Variants in M1AP observed in about 807,000 individuals in gnomAD.
M1AP encodes the protein meiosis 1 arrest protein.
Under a neutral mutation model 51.2 loss-of-function variants are expected in M1AP, and 39 were observed. The observed-to-expected ratio is 0.76, with a 90% CI of 0.59 to 1.00. The LOEUF (loss-of-function observed/expected upper bound fraction) is 1.00, where lower values mean the gene tolerates loss of function less well. Ranked by LOEUF, M1AP falls within the 50% of genes least tolerant of loss-of-function variation. M1AP has a pLI of 0.00. For missense variants in M1AP, 545 were observed against 641.2 expected, an observed-to-expected ratio of 0.85 and a Z score of 1.62; for synonymous variants, 251 against 249.2, an observed-to-expected ratio of 1.01 and a Z score of -0.07.
intron 4 of M1AP, among the ~76,000 whole-genome samples, chr2:74,598,714 G>T (rs1573119827): frequency 6.9e-6 from 1 of 145,814 alleles, no homozygotes; most frequent in Admixed American, 7.1e-5. Flanking sequence ...GGCCTTGACC[G>T]CCCGGGCTCA....
intron 2 of M1AP, among the ~76,000 whole-genome samples, chr2:74,632,620 C>T (rs550358012): frequency 6.6e-6 from 1 of 152,296 alleles, no homozygotes; most frequent in Admixed American, 6.5e-5. Flanking sequence ...TTATCTTCAA[C>T]CAGTGCACAG....
At chr2:74,596,126 T>C (rs76623834) in intron 4 of M1AP, among the ~76,000 whole-genome samples, 10,452 of 152,150 alleles carry the variant, frequency 0.069, 619 homozygotes, top group East Asian at 0.35. Context: ...TATATGAATA[T>C]GTATGGTAAA....
chr2:74,569,909 C>CGT (rs145070644), intron 7 of M1AP, among the ~76,000 whole-genome samples: 17,761 of 143,176 alleles, frequency 0.12, 1,830 homozygotes, highest in East Asian at 0.29. Flanking sequence ...TGTGTGCATG[C>CGT]GTGTGTGTGT....
At chr2:74,594,593 G>T (rs975247684) in intron 4 of M1AP, among the ~76,000 whole-genome samples, 1 of 152,156 alleles carries the variant, frequency 6.6e-6, no homozygotes, top group Non-Finnish European at 1.5e-5. Flanking sequence ...AAATTTACAG[G>T]CTGGGCATGG....
intron 1 of M1AP, among the ~76,000 whole-genome samples, chr2:74,645,552 A>C (rs1287594131): frequency 2.0e-5 from 3 of 152,106 alleles, no homozygotes; most frequent in African/African-American, 7.2e-5. Context: ...GTGCCCTGTC[A>C]GTTTACCATT....
At chr2:74,639,941 A>T in intron 2 of M1AP, 95 bp downstream of exon 2, 1 of 1,109,392 alleles carries the variant, frequency 9.0e-7, no homozygotes, top group Non-Finnish European at 1.3e-6. Context: ...TAGTGCGGTT[A>T]TTGTTATAAG....
intron 7 of M1AP, among the ~76,000 whole-genome samples, chr2:74,567,468 A>C (rs1048824182): frequency 6.6e-6 from 1 of 152,162 alleles, no homozygotes; most frequent in Non-Finnish European, 1.5e-5. Flanking sequence ...TGGGGCCTGA[A>C]GCCAGCCTTT....
chr2:74,612,142 G>A (rs192308273), intron 3 of M1AP, among the ~76,000 whole-genome samples: 2 of 151,720 alleles, frequency 1.3e-5, no homozygotes, highest in East Asian at 3.9e-4. Context: ...CTACCCGCCT[G>A]GGCCTCCCAA....
chr2:74,571,966 A>G (rs1678769254), intron 7 of M1AP, among the ~76,000 whole-genome samples: 1 of 151,506 alleles, frequency 6.6e-6, no homozygotes, highest in Non-Finnish European at 1.5e-5. Flanking sequence ...ATTGCACTCC[A>G]GGCCTGGGCA....
intron 4 of M1AP, among the ~76,000 whole-genome samples, chr2:74,605,856 G>C (rs1045737578): frequency 6.6e-6 from 1 of 151,292 alleles, no homozygotes; most frequent in Non-Finnish European, 1.5e-5. Flanking sequence ...AGCCGAGATC[G>C]CGCCACCGCA....
chr2:74,628,810 C>T, intron 2 of M1AP: 1 of 481,580 alleles, frequency 2.1e-6, no homozygotes. Context: ...ATTGCACTGA[C>T]TTGAAAGAAT....
At chr2:74,648,000 C>T (rs1292854720) in intron 1 of M1AP, 4 of 985,252 alleles carry the variant, frequency 4.1e-6, no homozygotes, top group Non-Finnish European at 4.8e-6. Flanking sequence ...CAGCCCGGCC[C>T]TCGGGCCTGG....
chr2:74,613,508 G>T (rs928066433), intron 3 of M1AP, among the ~76,000 whole-genome samples: 6 of 151,278 alleles, frequency 4.0e-5, no homozygotes, highest in Non-Finnish European at 2.9e-5. Context: ...TCCCTACTTA[G>T]GTGGGACAGG....
intron 5 of M1AP, among the ~76,000 whole-genome samples, chr2:74,577,196 T>G (rs750120613): frequency 1.3e-5 from 2 of 152,206 alleles, no homozygotes; most frequent in Non-Finnish European, 2.9e-5. Context: ...TGAAATAGCT[T>G]ATTTTTTAAT....
At chr2:74,561,997 T>C (rs915610320) in intron 8 of M1AP, 2 of 985,404 alleles carry the variant, frequency 2.0e-6, no homozygotes, top group African/African-American at 3.5e-5. Context: ...TCAAACCTCA[T>C]TTCCCTCCAT....
chr2:74,631,247 T>C (rs1033186155), intron 2 of M1AP, among the ~76,000 whole-genome samples: 3 of 152,230 alleles, frequency 2.0e-5, no homozygotes, highest in Admixed American at 2.0e-4. Context: ...CTTTACTGTA[T>C]ATTTTATTTT....
intron 4 of M1AP, among the ~76,000 whole-genome samples, chr2:74,583,458 G>C (rs540216670): frequency 5.3e-4 from 80 of 152,192 alleles, no homozygotes; most frequent in African/African-American, 1.7e-3. Context: ...TTCCAGCTTC[G>C]GGCAACACTA....
chr2:74,564,770 G>A (rs1163957370), intron 7 of M1AP, among the ~76,000 whole-genome samples: 3 of 152,186 alleles, frequency 2.0e-5, no homozygotes, highest in Non-Finnish European at 4.4e-5. Flanking sequence ...GCCTGTTTAA[G>A]CCTGGAAGGG....
chr2:74,621,211 G>A (rs553234739), intron 2 of M1AP, among the ~76,000 whole-genome samples: 3 of 152,092 alleles, frequency 2.0e-5, no homozygotes, highest in African/African-American at 7.2e-5. Context: ...GAACCCGGGA[G>A]GTGGAGGTTG....
Sources: gnomAD v4.1 joint callset for allele counts (sites outside exome capture counted in the v4.1 genomes callset) on GRCh38, gnomAD v4.1.1 for gene constraint, MANE v1.5 for transcripts, NCBI Gene and HGNC (gene_info 2026-07-23, HGNC 2026-07-21) for gene names.